Variants in KIF18B observed in about 807,000 individuals in gnomAD.
KIF18B encodes kinesin-like protein KIF18B.
KIF18B carries 49 observed loss-of-function variants against 80.9 expected under a neutral mutation model. The observed-to-expected ratio is 0.61, with a 90% CI of 0.48 to 0.77. The LOEUF (loss-of-function observed/expected upper bound fraction) is 0.77. KIF18B is among the 30% of genes least tolerant of loss of function. The pLI, the probability that KIF18B is intolerant of heterozygous loss-of-function variation, is 0.00. For missense variants in KIF18B, 994 were observed against 1,127.7 expected (o/e 0.88, Z 1.70); for synonymous variants, 439 against 463.9 (o/e 0.95, Z 0.69).
chr17:44,940,182 C>T (rs778809287), intron 1 of KIF18B, among the ~76,000 whole-genome samples: 1 of 152,180 alleles, frequency 6.6e-6, no homozygotes, highest in Non-Finnish European at 1.5e-5. Flanking sequence ...TGCTGAACTC[C>T]CTTATTGGTT....
At chr17:44,945,906 GAAAAA>G (rs749503310) in intron 1 of KIF18B, among the ~76,000 whole-genome samples, 1 of 92,056 alleles carries the variant, frequency 1.1e-5, no homozygotes, top group Non-Finnish European at 2.1e-5. Flanking sequence ...TTCTGTCTCA[GAAAAA>G]AAAAAAAAAA....
At position 44,936,211 on chromosome 17, in the gene KIF18B, G is replaced by T. The variant is rs2052285892; in HGVS notation, c.134C>A (p.Pro45His). ...TTTCAGGCCAGGGAACCCTCCATCG[G>T]GCTCCTCAGGGTTAAACACCAGCAC... ...ERVLVFNPEE[P>H]DGGFPGLKWG... is the part of the protein sequence containing the mutation. The change falls in exon 2 of 16, where the codon CCC becomes CAC. Residue 45 changes from proline (P) to histidine (H), a missense_variant. Transcript: ENST00000593135. The T allele has an allele frequency of 2.5e-6, 4 of 1,611,066 alleles. No homozygotes were observed. The highest frequency in any genetic ancestry group is 3.4e-6 in the Non-Finnish European group (4 of 1,178,976).
chr17:44,930,362 G>A (rs2052120345), intron 11 of KIF18B, among the ~76,000 whole-genome samples: 1 of 152,146 alleles, frequency 6.6e-6, no homozygotes, highest in Non-Finnish European at 1.5e-5. Context: ...ATCAGACAGA[G>A]TAACTCTGTT....
chr17:44,925,975 G>A lies in KIF18B; in HGVS notation c.*105C>T, dbSNP rs1179206647. On this transcript the variant is annotated 3_prime_UTR_variant, in exon 16 of 16. Coordinates refer to ENST00000593135, the MANE Select transcript of KIF18B (RefSeq NM_001265577.2). ...TTGGCACTAATTGCTCCCAGGTAAGGAAGGCAGGTCCAGCTCCTGGTGCAG... is the reference window on the plus strand; with the variant it reads ...TTGGCACTAATTGCTCCCAGGTAAGAAAGGCAGGTCCAGCTCCTGGTGCAG... The A allele has an allele frequency of 2.5e-6, 3 of 1,206,046 alleles. No individual in the cohort carries two copies. The highest frequency in any genetic ancestry group is 2.4e-6 in the Non-Finnish European group (2 of 826,236). The allele number at this position is 1,206,046 out of a possible 1,614,324, so 74.7% of individuals were successfully genotyped here.
In KIF18B at chr17:44,925,914, A is replaced by T; in HGVS notation, c.*166T>A. The T allele has an allele frequency of 1.5e-6, 1 of 671,472 alleles. No homozygotes were observed. The highest frequency in any genetic ancestry group is 2.4e-4 in the Middle Eastern group (1 of 4,202). 41.6% of individuals were successfully genotyped at this position (671,472 alleles called of 1,614,324 possible). On this transcript the variant is annotated 3_prime_UTR_variant, in exon 16 of 16. Transcript: ENST00000593135. Reference sequence around the variant, plus strand: ...TAACAGAGGGTGAGTAGCAGGATGGATGTCTGGGGAGGGATGTTAATACAG... The same window carrying T: ...TAACAGAGGGTGAGTAGCAGGATGGTTGTCTGGGGAGGGATGTTAATACAG...
At chr17:44,929,127 G>C in intron 11 of KIF18B, 103 bp from the exon 12 acceptor site, 1 of 993,924 alleles carries the variant, frequency 1.0e-6, no homozygotes, top group East Asian at 2.6e-5. Flanking sequence ...TGGTTGAGGA[G>C]TCTGAACTGG....
In KIF18B at chr17:44,944,333, C is replaced by T. The variant is rs192284622; in HGVS notation, c.-15+3295G>A. ...TCTCAGCTCACTGCAACCTCCGAGT[C>T]CCCGGTCCAAGCGATTCTCCTGCCT... is the stretch of plus-strand genomic sequence containing the variant. On this transcript the variant is annotated intron_variant, in intron 1 of 15. Coordinates refer to ENST00000593135, the MANE Select transcript of KIF18B (RefSeq NM_001265577.2). Among the ~76,000 whole-genome samples the T allele has an allele frequency of 3.8e-3, 572 of 152,120 alleles. 3 individuals are homozygous for T. The highest frequency in any genetic ancestry group is 0.031 in the Middle Eastern group (9 of 294).
Position 44,935,398 on chromosome 17 carries a change from G to C in KIF18B, c.332C>G (p.Thr111Ser). 1.9e-6 allele frequency: 3 copies of C among 1,610,958 alleles called. No individual in the cohort carries two copies. Among genetic ancestry groups the C allele is most frequent in the Non-Finnish European group, 2.5e-6 (3 of 1,178,270 alleles). Residue 111 changes from threonine to serine, a missense_variant, in exon 3 of 16, where the codon ACC (threonine) becomes AGC (serine). By Grantham distance (58) the Thr-to-Ser change is moderately conservative. Coordinates refer to ENST00000593135, the MANE Select transcript of KIF18B (RefSeq NM_001265577.2). ...CATGGTGTGTGTCTTCCCAGCCCCG[G>C]TGGCCCCGTAGGCAAACACTGCAGA... ...YNCSVFAYGA[T>S]GAGKTHTMLG...
intron 9 of KIF18B, 43 bp downstream of exon 9, chr17:44,932,630 G>T: frequency 9.7e-7 from 1 of 1,030,168 alleles, no homozygotes. Context: ...CCCCATCCTG[G>T]CTGAGCTGCA....
At position 44,925,431 on chromosome 17, in the gene KIF18B, G is replaced by T. The variant is rs1191446159; in HGVS notation, c.*649C>A. 3.3e-5 allele frequency: 5 copies of T among 152,260 alleles called. No homozygotes were observed. The highest frequency in any genetic ancestry group is 2.6e-4 in the Admixed American group (4 of 15,102). The allele number at this position is 152,260 out of a possible 1,614,324, so 9.4% of individuals were successfully genotyped here. A position where few individuals can be genotyped will look rare whatever the true frequency, so the allele number is the denominator to read the frequency against. On this transcript the variant is annotated 3_prime_UTR_variant, in exon 16 of 16. Coordinates refer to ENST00000593135, the MANE Select transcript of KIF18B (RefSeq NM_001265577.2). ...CCACTGCACTCCAGCCTGGGCGACA[G>T]AGCGAGACTCCATCTCAAAAAAAAA...
At position 44,931,656 on chromosome 17, in the gene KIF18B, T is replaced by G. The variant is rs763027817; in HGVS notation, c.1463A>C (p.Lys488Thr). 6.2e-7 allele frequency: 1 copy of G among 1,613,982 alleles called. No homozygotes were observed. The highest frequency in any genetic ancestry group is 1.1e-5 in the South Asian group (1 of 91,082). The change falls in exon 11 of 16, where the codon AAG (lysine) becomes ACG (threonine). Residue 488 changes from lysine to threonine, a missense_variant. Coordinates refer to ENST00000593135, the MANE Select transcript of KIF18B (RefSeq NM_001265577.2). ...TGCTGAGAAGTGGCCCACGACTGGC[T>G]TGGGCTGCAGGGTCAGGCGAGGGGA... ...PESPRLTLQP[K>T]PVVGHFSARE...
Position 44,928,993 on chromosome 17 carries a change from G to A in KIF18B, c.1549C>T (p.Arg517Trp), listed in dbSNP as rs377197264. 5.6e-6 allele frequency: 9 copies of A among 1,614,012 alleles called. No individual in the cohort carries two copies. Among genetic ancestry groups the A allele is most frequent in the South Asian group, 1.1e-5 (1 of 91,084 alleles). Residue 517 changes from arginine to tryptophan, a missense_variant, in exon 12 of 16, where the codon CGG becomes TGG. Arg to Trp is a moderately radical substitution (Grantham distance 101). Coordinates refer to ENST00000593135, the MANE Select transcript of KIF18B (RefSeq NM_001265577.2). ...GCTGCTTGGAGCAGGGAGTACTGCC[G>A]CTGGGCAACGCACAGCACCTTTAGG... ...LALKVLCVAQ[R>W]QYSLLQAANL...
At chr17:44,946,242 G>A (rs1054837378) in intron 1 of KIF18B, among the ~76,000 whole-genome samples, 1 of 151,632 alleles carries the variant, frequency 6.6e-6, no homozygotes, top group Non-Finnish European at 1.5e-5. Context: ...TTATTTTTTT[G>A]CAACAGTATA....
Position 44,934,649 on chromosome 17 carries a change from G to A in KIF18B, c.577-32C>T, listed in dbSNP as rs747912620. 18 of 1,534,674 alleles carry A rather than the reference G, an allele frequency of 1.2e-5. No homozygotes were observed. The South Asian group carries it at 2.1e-4, about 18-fold the overall frequency. On this transcript the variant is annotated intron_variant, in intron 4 of 15. Transcript: ENST00000593135. This position sits in a 1 kb window ranked among gnomAD's most constrained non-coding sequence, Gnocchi z 5.4. The stretch of plus-strand genomic sequence containing the variant: ...AGGAGAAGCCCAGGAACGGGGCTGT[G>A]GGTTCCCGGATCAGGACTTTTCCCC...
Position 44,931,645 on chromosome 17 carries a change from C to T in KIF18B, c.1474G>A (p.Gly492Ser). Residue 492 changes from glycine (G) to serine (S), a missense_variant, in exon 11 of 16, where the codon GGC becomes AGC. By Grantham distance (56) the Gly-to-Ser change is moderately conservative. Transcript: ENST00000593135. ...TCCAGTTCCCGTGCTGAGAAGTGGC[C>T]CACGACTGGCTTGGGCTGCAGGGTC... ...RLTLQPKPVVGHFSARELDGD... is the reference protein window; with the variant it reads ...RLTLQPKPVVSHFSARELDGD... The T allele has an allele frequency of 6.2e-7, 1 of 1,613,972 alleles. No homozygotes were observed. The highest frequency in any genetic ancestry group is 8.5e-7 in the Non-Finnish European group (1 of 1,179,894).
At position 44,925,740 on chromosome 17, in the gene KIF18B, C is replaced by T. The variant is rs2052011558; in HGVS notation, c.*340G>A. On this transcript the variant is annotated 3_prime_UTR_variant, in exon 16 of 16. Transcript: ENST00000593135. The stretch of plus-strand genomic sequence containing the variant: ...AGGTTGCAGTGAGCCAAGATCGTAC[C>T]ACTGCACTCCAGCCTGGGCGACAGA... 3.3e-6 allele frequency: 1 copy of T among 305,958 alleles called. No individual in the cohort carries two copies. The highest frequency in any genetic ancestry group is 6.2e-6 in the Non-Finnish European group (1 of 162,582). 19.0% of individuals were successfully genotyped at this position (305,958 alleles called of 1,614,324 possible).
Position 44,926,046 on chromosome 17 carries a change from T to G in KIF18B, c.*34A>C. 6.2e-7 allele frequency: 1 copy of G among 1,613,014 alleles called. No homozygotes were observed. Among genetic ancestry groups the G allele is most frequent in the South Asian group, 1.1e-5 (1 of 91,040 alleles). ...GGTATCCAGCAGAGGGGCCGGTAGG[T>G]TAGGACACCTTGGTGGTCAGGACAT... On this transcript the variant is annotated 3_prime_UTR_variant, in exon 16 of 16. Transcript: ENST00000593135.
intron 10 of KIF18B, 75 bp downstream of exon 10, chr17:44,931,981 G>A: frequency 1.3e-6 from 2 of 1,493,060 alleles, no homozygotes; most frequent in Non-Finnish European, 1.8e-6. Flanking sequence ...TCTGAGTCAG[G>A]GAGAGGCAAT....
At position 44,932,953 on chromosome 17, in the gene KIF18B, T is replaced by C. The variant is rs2052190939; in HGVS notation, c.1096A>G (p.Ile366Val). ...TGGCAGATGGTAGCATACTGGCTGA[T>C]GTGACAGTCCAGGCTGGTCACATTG... ...KSNVTSLDCH[I>V]SQYATICQQL... Residue 366 changes from isoleucine to valine, a missense_variant, in exon 8 of 16, where the codon ATC becomes GTC. Coordinates refer to ENST00000593135, the MANE Select transcript of KIF18B (RefSeq NM_001265577.2). 1 of 1,607,572 alleles carries C rather than the reference T, an allele frequency of 6.2e-7. No individual in the cohort carries two copies. Among genetic ancestry groups the C allele is most frequent in the Non-Finnish European group, 8.5e-7 (1 of 1,174,628 alleles).
Sources: gnomAD v4.1 joint callset for allele counts (sites outside exome capture counted in the v4.1 genomes callset) on GRCh38, gnomAD v4.1.1 for gene constraint, Gnocchi (gnomAD v3.1) non-coding constraint, MANE v1.5 for transcripts, NCBI Gene and HGNC (gene_info 2026-07-23, HGNC 2026-07-21) for gene names.